LITAF: variants seen among roughly 807,000 people sequenced by gnomAD.
The protein encoded by LITAF is lipopolysaccharide-induced tumor necrosis factor-alpha factor.
Under a neutral mutation model 14.5 loss-of-function variants are expected in LITAF, and 9 were observed. The observed-to-expected ratio is 0.62, with a 90% CI of 0.37 to 1.08. LITAF has a LOEUF of 1.08. Ranked by LOEUF, LITAF falls within the 50% of genes least tolerant of loss-of-function variation. LITAF has a pLI of 0.01. For missense variants in LITAF, 206 were observed against 213.4 expected (o/e 0.97, Z 0.22); for synonymous variants, 98 against 88.2 (o/e 1.11, Z -0.62).
At chr16:11,610,417 C>G (rs1567262813) in intron 3 of LITAF, among the ~76,000 whole-genome samples, 1 of 151,872 alleles carries the variant, frequency 6.6e-6, no homozygotes, top group Non-Finnish European at 1.5e-5. Context: ...GGCAGGAAAT[C>G]TTTATTCTGG....
intron 1 of LITAF, among the ~76,000 whole-genome samples, chr16:11,595,994 G>C (rs764666317): frequency 6.6e-6 from 1 of 152,126 alleles, no homozygotes; most frequent in African/African-American, 2.4e-5. Context: ...GGCCAGGACA[G>C]GATATCCCAG....
intron 1 of LITAF, among the ~76,000 whole-genome samples, chr16:11,578,223 T>C (rs1269720458): frequency 6.6e-6 from 1 of 152,184 alleles, no homozygotes; most frequent in Non-Finnish European, 1.5e-5. Flanking sequence ...ATCTCTCCCT[T>C]TCCTCTCCTG....
At chr16:11,616,779 G>C (rs2065021961) in intron 3 of LITAF, among the ~76,000 whole-genome samples, 1 of 151,932 alleles carries the variant, frequency 6.6e-6, no homozygotes, top group African/African-American at 2.4e-5. Context: ...GGGCATAGTG[G>C]TGCACACGTG....
chr16:11,636,302 A>T (rs2065138022), exon 1 of LITAF: 1 of 152,252 alleles, frequency 6.6e-6, no homozygotes, highest in African/African-American at 2.4e-5. Flanking sequence ...ACTGAAGTTA[A>T]GAGCAGAAGT....
upstream of LITAF, among the ~76,000 whole-genome samples, chr16:11,638,109 T>TAG (rs1567271187): frequency 7.3e-5 from 5 of 68,660 alleles, no homozygotes; most frequent in African/African-American, 5.0e-4. Flanking sequence ...TATATATATA[T>TAG]CTATCTATAT....
At chr16:11,619,985 T>A (rs1039476534) in intron 3 of LITAF, among the ~76,000 whole-genome samples, 1 of 151,756 alleles carries the variant, frequency 6.6e-6, no homozygotes, top group Non-Finnish European at 1.5e-5. Flanking sequence ...CTGGCCAATA[T>A]GGTGAAACCC....
intron 1 of LITAF, among the ~76,000 whole-genome samples, chr16:11,596,011 G>A (rs758016506): frequency 2.2e-4 from 33 of 152,184 alleles, no homozygotes; most frequent in Non-Finnish European, 4.6e-4. Flanking sequence ...CCAGTGAGCA[G>A]GCGGCCTGGC....
At chr16:11,575,684 C>G (rs2064620739) in intron 1 of LITAF, 1 of 152,250 alleles carries the variant, frequency 6.6e-6, no homozygotes, top group African/African-American at 2.4e-5. Context: ...AACTCGCGGT[C>G]AGCGTAAACA....
chr16:11,556,840 A>C (rs1351236517), intron 1 of LITAF, 105 bp from the exon 2 acceptor site: 42 of 984,834 alleles, frequency 4.3e-5, no homozygotes, highest in Non-Finnish European at 6.3e-5. Context: ...AATTCTGAGA[A>C]AATGACTTCC....
upstream of LITAF, among the ~76,000 whole-genome samples, chr16:11,591,789 C>T (rs1287771263): frequency 1.3e-5 from 2 of 151,918 alleles, no homozygotes; most frequent in Non-Finnish European, 2.9e-5. Flanking sequence ...TACAGGCATG[C>T]ACCACCACAG....
At chr16:11,556,207 G>GTGGTC in intron 2 of LITAF, 2 of 518,036 alleles carry the variant, frequency 3.9e-6, no homozygotes, top group South Asian at 3.5e-5. Flanking sequence ...GAAGTGTGCG[G>GTGGTC]GCCCTTAAGA....
chr16:11,615,749 G>C (rs1258302688), intron 3 of LITAF, among the ~76,000 whole-genome samples: 3 of 152,180 alleles, frequency 2.0e-5, no homozygotes, highest in African/African-American at 7.2e-5. Context: ...GTATCTGCTT[G>C]GTCTTTGTTC....
chr16:11,577,316 A>ATTTTT (rs71136668), intron 1 of LITAF, among the ~76,000 whole-genome samples: 2 of 128,030 alleles, frequency 1.6e-5, no homozygotes, highest in Non-Finnish European at 1.6e-5. Flanking sequence ...AGAAGTGTCT[A>ATTTTT]TTTTTTTTTT....
intron 3 of LITAF, among the ~76,000 whole-genome samples, chr16:11,611,503 T>A (rs1020924952): frequency 6.6e-6 from 1 of 152,218 alleles, no homozygotes; most frequent in Non-Finnish European, 1.5e-5. Flanking sequence ...CATTTTTATT[T>A]ACTAAATCTA....
intron 3 of LITAF, among the ~76,000 whole-genome samples, chr16:11,623,496 C>T (rs2065063852): frequency 6.6e-6 from 1 of 151,370 alleles, no homozygotes; most frequent in Non-Finnish European, 1.5e-5. Flanking sequence ...CCCATCTCTA[C>T]TAAAGATACA....
chr16:11,617,077 A>G (rs752457576), intron 3 of LITAF, among the ~76,000 whole-genome samples: 8 of 150,232 alleles, frequency 5.3e-5, no homozygotes, highest in Non-Finnish European at 1.0e-4. Context: ...AAAATTTGCC[A>G]GGCGTGGTGG....
At chr16:11,599,811 G>C (rs116361230), upstream of LITAF, among the ~76,000 whole-genome samples, 558 of 152,148 alleles carry the variant, frequency 3.7e-3, 2 homozygotes, top group African/African-American at 0.013. Context: ...CAGGACCTTT[G>C]CACGGCTGCT....
exon 1 of LITAF, chr16:11,636,272 C>T (rs1413040979): frequency 6.6e-6 from 1 of 152,204 alleles, no homozygotes; most frequent in East Asian, 1.9e-4. Context: ...CCATGCAAAA[C>T]TAGGATGCGG....
In LITAF at chr16:11,553,805, G is replaced by A; in HGVS notation, c.221-116C>T. On this transcript the variant is annotated intron_variant, in intron 2 of 3. Transcript: ENST00000622633. This position sits in a 1 kb window ranked among gnomAD's most constrained non-coding sequence, Gnocchi z 7.7. ...CAGCAAATATTATATTTGTACATTT[G>A]TGTTCATAGCATGCGTTCATCGTCT... The A allele has an allele frequency of 1.6e-6, 2 of 1,218,472 alleles. No individual in the cohort carries two copies. The highest frequency in any genetic ancestry group is 2.4e-6 in the Non-Finnish European group (2 of 848,706). The allele number at this position is 1,218,472 out of a possible 1,614,324, so 75.5% of individuals were successfully genotyped here. A position where few individuals can be genotyped will look rare whatever the true frequency, so the allele number is the denominator to read the frequency against.
Sources: gnomAD v4.1 joint callset for allele counts (sites outside exome capture counted in the v4.1 genomes callset) on GRCh38, gnomAD v4.1.1 for gene constraint, Gnocchi (gnomAD v3.1) non-coding constraint, MANE v1.5 for transcripts, NCBI Gene and HGNC (gene_info 2026-07-23, HGNC 2026-07-21) for gene names.